The following KIRREL3 variants were observed in gnomAD, a reference collection of about 807,000 sequenced individuals.
KIRREL3 encodes kirre like nephrin family adhesion molecule 3, also known as kin of IRRE-like protein 3.
In KIRREL3, 36 loss-of-function variants were observed where a neutral mutation model predicts 89.7. The ratio of observed to expected loss-of-function variants is 0.40; its 90% CI spans 0.31 to 0.53. The LOEUF is 0.53. KIRREL3 is among the 20% of genes least tolerant of loss of function. The pLI is 0.49. For synonymous variants in KIRREL3, 445 were observed against 441.4 expected (o/e 1.01, Z -0.10); for missense variants, 864 against 1,056.6 (o/e 0.82, Z 2.53).
intron 4 of KIRREL3, among the ~76,000 whole-genome samples, chr11:126,511,540 G>C (rs140646655): frequency 9.2e-5 from 14 of 152,146 alleles, no homozygotes; most frequent in African/African-American, 3.1e-4. Flanking sequence ...CTTGGCTCCC[G>C]GCTCATGGGC....
At position 126,695,295 on chromosome 11, in the gene KIRREL3, A is replaced by AGTG. The variant is rs199787675; in HGVS notation, c.56-132386_56-132384dup. 2.6e-3 allele frequency among the ~76,000 whole-genome samples: 388 copies of AGTG among 148,608 alleles called. 8 individuals carry two copies. Among genetic ancestry groups the AGTG allele is most frequent in the East Asian group, 0.017 (83 of 4,838 alleles). Reference sequence around the variant, plus strand: ...GCAACTTGTCCAAGATCACAAAGTTAGTGTTTGAGTTAGAACTGCAATCAG... The same window carrying AGTG: ...GCAACTTGTCCAAGATCACAAAGTTAGTGGTGTTTGAGTTAGAACTGCAATCAG... On this transcript the variant is annotated intron_variant, in intron 1 of 16. Transcript: ENST00000525144.
rs978260877 is a variant in KIRREL3, at chr11:126,541,341, C to T, written c.134-14654G>A. On this transcript the variant is annotated intron_variant, in intron 2 of 16. Coordinates refer to ENST00000525144, the MANE Select transcript of KIRREL3 (RefSeq NM_032531.4). The surrounding 1 kb of genome is among the most constrained non-coding windows in gnomAD (Gnocchi z 4.8). ...TTATCTGTAAAATGCAAGGTTTAAG[C>T]GCCTTCCTCCCAACCCTAATGCTTG... Among the ~76,000 whole-genome samples, 2 of 152,072 alleles carry T rather than the reference C, an allele frequency of 1.3e-5. No individual in the cohort carries two copies. The highest frequency in any genetic ancestry group is 1.9e-4 in the East Asian group (1 of 5,168).
rs976656254 is a variant in KIRREL3, at chr11:126,593,513, G to C, written c.56-30601C>G. On this transcript the variant is annotated intron_variant, in intron 1 of 16. Transcript: ENST00000525144. Reference sequence around the variant, plus strand: ...TCCCAACCTGCTGTGACCCCCTCTGGGTACAGGTGGGCAATGAACACCCGG... The same window carrying C: ...TCCCAACCTGCTGTGACCCCCTCTGCGTACAGGTGGGCAATGAACACCCGG... Among the ~76,000 whole-genome samples, 5 of 152,134 alleles carry C rather than the reference G, an allele frequency of 3.3e-5. No homozygotes were observed. In the East Asian group the frequency reaches 9.6e-4, roughly 29 times the overall value.
chr11:126,777,395 C>A (rs965321548), intron 1 of KIRREL3, among the ~76,000 whole-genome samples: 28 of 152,090 alleles, frequency 1.8e-4, no homozygotes, highest in Non-Finnish European at 4.4e-5. Context: ...TTAATGAAGG[C>A]AATGGCAAGA....
At chr11:126,914,315 A>G (rs1946950041) in intron 1 of KIRREL3, among the ~76,000 whole-genome samples, 1 of 152,254 alleles carries the variant, frequency 6.6e-6, no homozygotes, top group South Asian at 2.1e-4. Flanking sequence ...AGAAGTATAT[A>G]CAAAGCAATA....
intron 7 of KIRREL3, among the ~76,000 whole-genome samples, chr11:126,452,077 C>G (rs945677772): frequency 1.3e-5 from 2 of 152,126 alleles, no homozygotes; most frequent in Admixed American, 6.5e-5. Flanking sequence ...CATCCAGCCC[C>G]GAGAGACGAC....
intron 1 of KIRREL3, among the ~76,000 whole-genome samples, chr11:126,674,300 T>A (rs181199816): frequency 1.3e-5 from 2 of 152,336 alleles, no homozygotes; most frequent in African/African-American, 4.8e-5. Flanking sequence ...TACTAGGTGA[T>A]CTCCATCCAG....
rs1353197839 is a variant in KIRREL3 at position 126,837,826 on chromosome 11, C to A, written c.55+162629G>T. Among the ~76,000 whole-genome samples the A allele has an allele frequency of 1.3e-5, 2 of 152,222 alleles. No homozygotes were observed. The highest frequency in any genetic ancestry group is 4.8e-5 in the African/African-American group (2 of 41,456). ...TGGGACAGCAACTTGCTATCCATTT[C>A]TAGCAGCTCGCAGTCTATGTCCAGG... is the stretch of plus-strand genomic sequence containing the variant. On this transcript the variant is annotated intron_variant, in intron 1 of 16. Transcript: ENST00000525144. The surrounding 1 kb of genome is among the most constrained non-coding windows in gnomAD (Gnocchi z 4.7).
At chr11:126,657,278 A>C (rs147439377) in intron 1 of KIRREL3, among the ~76,000 whole-genome samples, 2,077 of 151,924 alleles carry the variant, frequency 0.014, 27 homozygotes, top group Admixed American at 0.015. Context: ...ATAAATAAAT[A>C]AATCTTCATG....
intron 1 of KIRREL3, among the ~76,000 whole-genome samples, chr11:126,801,247 A>C (rs1447757184): frequency 6.6e-6 from 1 of 152,186 alleles, no homozygotes; most frequent in Non-Finnish European, 1.5e-5. Context: ...TAAGGATTAC[A>C]GTTAATTGAC....
intron 1 of KIRREL3, among the ~76,000 whole-genome samples, chr11:126,577,751 G>T: frequency 6.6e-6 from 1 of 151,468 alleles, no homozygotes; most frequent in Admixed American, 6.6e-5. Context: ...AACAGAGTAA[G>T]ACTCTGTCTC....
chr11:126,542,706 G>A (rs1298140293), intron 2 of KIRREL3, among the ~76,000 whole-genome samples: 1 of 152,096 alleles, frequency 6.6e-6, no homozygotes, highest in Non-Finnish European at 1.5e-5. Context: ...TGCCTTTAAA[G>A]GACTTTTATT....
chr11:126,791,850 G>A lies in KIRREL3; in HGVS notation c.55+208605C>T, dbSNP rs1324213195. On this transcript the variant is annotated intron_variant, in intron 1 of 16. Coordinates refer to ENST00000525144, the MANE Select transcript of KIRREL3 (RefSeq NM_032531.4). The surrounding 1 kb of genome is among the most constrained non-coding windows in gnomAD (Gnocchi z 4.8). The stretch of plus-strand genomic sequence containing the variant: ...CTGTAGGGGCGGTTTCTCAGAGTGT[G>A]AGGTATGGGAATGTGGATGTAGCAT... 6.6e-6 allele frequency among the ~76,000 whole-genome samples: 1 copy of A among 152,208 alleles called. No homozygotes were observed. The highest frequency in any genetic ancestry group is 2.4e-5 in the African/African-American group (1 of 41,452).
Position 126,830,419 on chromosome 11 carries a change from A to T in KIRREL3, c.55+170036T>A, listed in dbSNP as rs1943565811. ...AACTTGGAAATTTTAATGAAAACAG[A>T]TGTTGAGAAATGCCATTATCCCATG... On this transcript the variant is annotated intron_variant, in intron 1 of 16. Transcript: ENST00000525144. The surrounding 1 kb of genome is among the most constrained non-coding windows in gnomAD (Gnocchi z 4.9). 6.6e-6 allele frequency among the ~76,000 whole-genome samples: 1 copy of T among 152,240 alleles called. No individual in the cohort carries two copies. Among genetic ancestry groups the T allele is most frequent in the Non-Finnish European group, 1.5e-5 (1 of 68,044 alleles).
intron 1 of KIRREL3, among the ~76,000 whole-genome samples, chr11:126,717,982 A>G (rs1165179403): frequency 1.3e-5 from 2 of 152,224 alleles, no homozygotes; most frequent in Non-Finnish European, 2.9e-5. Context: ...CTGTTTTGAC[A>G]GAACTCTACA....
In KIRREL3 at chr11:126,641,286, C is replaced by T. The variant is rs578121011; in HGVS notation, c.56-78374G>A. On this transcript the variant is annotated intron_variant, in intron 1 of 16. Coordinates refer to ENST00000525144, the MANE Select transcript of KIRREL3 (RefSeq NM_032531.4). The surrounding 1 kb of genome is among the most constrained non-coding windows in gnomAD (Gnocchi z 5.0). ...CACTTCCTCTGCTACTTTCTTGGCC[C>T]GAGCCTCATCACTTGTTGCTCAGAT... Among the ~76,000 whole-genome samples, 3 of 151,962 alleles carry T rather than the reference C, an allele frequency of 2.0e-5. No homozygotes were observed. Among genetic ancestry groups the T allele is most frequent in the African/African-American group, 4.8e-5 (2 of 41,376 alleles).
At chr11:126,730,985 C>T (rs113663347) in intron 1 of KIRREL3, among the ~76,000 whole-genome samples, 4 of 152,228 alleles carry the variant, frequency 2.6e-5, no homozygotes, top group Non-Finnish European at 2.9e-5. Context: ...GTGATCCACC[C>T]GTCTCGGCCT....
In KIRREL3 at chr11:126,877,994, G is replaced by A. The variant is rs762993929; in HGVS notation, c.55+122461C>T. On this transcript the variant is annotated intron_variant, in intron 1 of 16. Coordinates refer to ENST00000525144, the MANE Select transcript of KIRREL3 (RefSeq NM_032531.4). The surrounding 1 kb of genome is among the most constrained non-coding windows in gnomAD (Gnocchi z 4.9). ...AGAATCAAAGATATGGAGGTGACTC[G>A]TCCAAGGTCTTAGAAGTGGGATGAA... Among the ~76,000 whole-genome samples the A allele has an allele frequency of 2.1e-4, 32 of 152,128 alleles. No individual in the cohort carries two copies. Among genetic ancestry groups the A allele is most frequent in the Non-Finnish European group, 4.3e-4 (29 of 68,028 alleles).
At chr11:126,588,833 T>G (rs1169348290) in intron 1 of KIRREL3, among the ~76,000 whole-genome samples, 1 of 151,958 alleles carries the variant, frequency 6.6e-6, no homozygotes, top group Non-Finnish European at 1.5e-5. Context: ...GATTTATGAG[T>G]AGGGCTGGAA....
Sources: allele counts gnomAD v4.1 joint callset (sites outside exome capture counted in the v4.1 genomes callset), GRCh38; gene constraint gnomAD v4.1.1; non-coding constraint Gnocchi (gnomAD v3.1); transcripts MANE v1.5; gene names NCBI Gene and HGNC (gene_info 2026-07-23, HGNC 2026-07-21).